The following INPP5D variants were observed in gnomAD, a reference collection of about 807,000 sequenced individuals.
INPP5D encodes phosphatidylinositol 3,4,5-trisphosphate 5-phosphatase 1.
A neutral mutation model predicts 122.9 loss-of-function variants in INPP5D; 33 were observed. That is an observed-to-expected ratio of 0.27 (90% CI 0.20 to 0.36). The LOEUF (loss-of-function observed/expected upper bound fraction) is 0.36. Ranked by LOEUF, INPP5D falls within the 10% of genes least tolerant of loss-of-function variation. The probability of loss-of-function intolerance (pLI) is 1.00; values close to 1 mark genes in which losing one functional copy is unlikely to be tolerated. For synonymous variants in INPP5D, 584 were observed against 576.2 expected (o/e 1.01, Z -0.19); for missense variants, 1,053 against 1,412.7 (o/e 0.75, Z 4.08).
intron 1 of INPP5D, among the ~76,000 whole-genome samples, chr2:233,065,191 C>T (rs1347916149): frequency 2.0e-5 from 3 of 152,210 alleles, no homozygotes; most frequent in African/African-American, 4.8e-5. Context: ...CTACGCTCAG[C>T]CCCCGTGAAA....
At chr2:233,076,164 A>C (rs1691514845) in intron 1 of INPP5D, 1 of 152,238 alleles carries the variant, frequency 6.6e-6, no homozygotes, top group Admixed American at 6.5e-5. Context: ...CCCTCAGCCA[A>C]ATAAGAGGCT....
rs1421704655 is a variant in INPP5D, at chr2:233,127,947, A to G, written c.524+2028A>G. ...TAACAAATAGAACTGCCTGTAATAC[A>G]GACTCACGGTATCAAAGTCACAAGG... On this transcript the variant is annotated intron_variant, in intron 4 of 26. Coordinates refer to ENST00000445964, the MANE Select transcript of INPP5D (RefSeq NM_001017915.3). Among the ~76,000 whole-genome samples, 5 of 152,362 alleles carry G rather than the reference A, an allele frequency of 3.3e-5. No homozygotes were observed. In the East Asian group the frequency reaches 9.6e-4, roughly 29 times the overall value.
At position 233,086,798 on chromosome 2, in the gene INPP5D, A is replaced by T. The variant is rs1352440517; in HGVS notation, c.198+7400A>T. The stretch of plus-strand genomic sequence containing the variant: ...CTATCCCAGGGGAATTTCAAAGCAG[A>T]AAAGTGAAAATTTCAAATTGAATAT... On this transcript the variant is annotated intron_variant, in intron 2 of 26. Transcript: ENST00000445964. Among the ~76,000 whole-genome samples the T allele has an allele frequency of 3.3e-5, 5 of 152,242 alleles. No homozygotes were observed. The East Asian group carries it at 9.6e-4, about 29-fold the overall frequency.
At chr2:233,137,164 C>T (rs1693484743) in intron 5 of INPP5D, among the ~76,000 whole-genome samples, 1 of 152,040 alleles carries the variant, frequency 6.6e-6, no homozygotes, top group Non-Finnish European at 1.5e-5. Flanking sequence ...AATATAAATG[C>T]ATATTGTTTC....
chr2:233,171,187 C>T lies in INPP5D; in HGVS notation c.1989+35C>T, dbSNP rs770933785. 12 of 1,609,388 alleles carry T rather than the reference C, an allele frequency of 7.5e-6. No individual in the cohort carries two copies. In the East Asian group the frequency reaches 2.7e-4, roughly 36 times the overall value. On this transcript the variant is annotated intron_variant, in intron 17 of 26. Coordinates refer to ENST00000445964, the MANE Select transcript of INPP5D (RefSeq NM_001017915.3). The stretch of plus-strand genomic sequence containing the variant: ...CTTCATAGACACCTTCCCTGCCCTC[C>T]ATCTCCTCCCCGCTGGTGTCTGTTC...
intron 2 of INPP5D, among the ~76,000 whole-genome samples, chr2:233,114,121 G>A (rs1692716787): frequency 6.6e-6 from 1 of 152,086 alleles, no homozygotes; most frequent in Non-Finnish European, 1.5e-5. Context: ...TGTTAGCCAG[G>A]ATGGTCTCGA....
chr2:233,186,684 C>CTTTTTTTTTTTTTTTTT (rs144243823), intron 21 of INPP5D, among the ~76,000 whole-genome samples: 8 of 44,530 alleles, frequency 1.8e-4, no homozygotes, highest in Admixed American at 5.9e-4. Flanking sequence ...TTTTCTCTTT[C>CTTTTTTTTTTTTTTTTT]TTTTTTTTTT....
At chr2:233,166,022 C>A (rs1470033159) in intron 13 of INPP5D, among the ~76,000 whole-genome samples, 2 of 152,110 alleles carry the variant, frequency 1.3e-5, no homozygotes, top group African/African-American at 4.8e-5. Context: ...TGCAATCGAA[C>A]GTGCAAAGCT....
intron 1 of INPP5D, among the ~76,000 whole-genome samples, chr2:233,071,316 A>G (rs113802160): frequency 2.0e-5 from 3 of 151,946 alleles, no homozygotes; most frequent in African/African-American, 7.2e-5. Flanking sequence ...AAAAAGATTT[A>G]TGTGTATTTT....
At chr2:233,086,712 C>T (rs1436994825) in intron 2 of INPP5D, among the ~76,000 whole-genome samples, 1 of 152,162 alleles carries the variant, frequency 6.6e-6, no homozygotes, top group African/African-American at 2.4e-5. Context: ...TCTTTTTGCT[C>T]AAGTTAGTTG....
chr2:233,092,169 G>A lies in INPP5D; in HGVS notation c.198+12771G>A, dbSNP rs537059468. On this transcript the variant is annotated intron_variant, in intron 2 of 26. Coordinates refer to ENST00000445964, the MANE Select transcript of INPP5D (RefSeq NM_001017915.3). ...TCTGGGATGAGGCAGGCGGGCGGCC[G>A]GAGTGACTGGGGGCCCGAGCTGCCA... Among the ~76,000 whole-genome samples, 121 of 152,328 alleles carry A rather than the reference G, an allele frequency of 7.9e-4. No individual in the cohort carries two copies. The South Asian group carries it at 0.011, about 14-fold the overall frequency.
rs1693824052 is a variant in INPP5D at position 233,148,354 on chromosome 2, G to T, written c.1030+760G>T. 3.3e-5 allele frequency among the ~76,000 whole-genome samples: 5 copies of T among 152,138 alleles called. No individual in the cohort carries two copies. The South Asian group carries it at 1.0e-3, about 32-fold the overall frequency. On this transcript the variant is annotated intron_variant, in intron 9 of 26. Coordinates refer to ENST00000445964, the MANE Select transcript of INPP5D (RefSeq NM_001017915.3). ...AACAAAACAGGGCAAAGGGGTAGAG[G>T]TTAACTGGCAAGAGGGGATAGTGTA...
At chr2:233,094,510 CCCAAAAAA>C (rs1235587647) in intron 2 of INPP5D, among the ~76,000 whole-genome samples, 19 of 27,786 alleles carry the variant, frequency 6.8e-4, no homozygotes, top group Non-Finnish European at 1.1e-3. Flanking sequence ...AAGACTCCAT[CCCAAAAAA>C]AAAAAAAAAA....
Position 233,160,958 on chromosome 2 carries a change from T to C in INPP5D, c.1138-766T>C, listed in dbSNP as rs1321733742. Among the ~76,000 whole-genome samples the C allele has an allele frequency of 6.6e-6, 1 of 151,988 alleles. No individual in the cohort carries two copies. The highest frequency in any genetic ancestry group is 2.4e-5 in the African/African-American group (1 of 41,372). On this transcript the variant is annotated intron_variant, in intron 10 of 26. Coordinates refer to ENST00000445964, the MANE Select transcript of INPP5D (RefSeq NM_001017915.3). This position sits in a 1 kb window ranked among gnomAD's most constrained non-coding sequence, Gnocchi z 4.2. ...CCCAAATGTTTTATTAAAAATGCAA[T>C]GATGCTATTCATATCATTTGTCAAC...
chr2:233,096,306 A>G (rs1692138518), intron 2 of INPP5D, among the ~76,000 whole-genome samples: 1 of 152,164 alleles, frequency 6.6e-6, no homozygotes, highest in Non-Finnish European at 1.5e-5. Context: ...TCAGCAGACA[A>G]TGAGTGAAAT....
In INPP5D at chr2:233,183,184, C is replaced by T. The variant is rs918967556; in HGVS notation, c.2161+685C>T. ...TTCTCTGTAATGTGCCCATCCAGCCCTTGGCCTAGGTGACCAGGGAGCCAT... is the reference window on the plus strand; with the variant it reads ...TTCTCTGTAATGTGCCCATCCAGCCTTTGGCCTAGGTGACCAGGGAGCCAT... On this transcript the variant is annotated intron_variant, in intron 19 of 26. Coordinates refer to ENST00000445964, the MANE Select transcript of INPP5D (RefSeq NM_001017915.3). The surrounding 1 kb of genome is among the most constrained non-coding windows in gnomAD (Gnocchi z 4.6). Among the ~76,000 whole-genome samples the T allele has an allele frequency of 6.6e-6, 1 of 152,190 alleles. No homozygotes were observed. The highest frequency in any genetic ancestry group is 1.5e-5 in the Non-Finnish European group (1 of 68,026).
chr2:233,194,055 T>G lies in INPP5D; in HGVS notation c.2596+94T>G, dbSNP rs1295233318. On this transcript the variant is annotated intron_variant, in intron 23 of 26. Coordinates refer to ENST00000445964, the MANE Select transcript of INPP5D (RefSeq NM_001017915.3). ...CAGCAAAGCTGTCGAATATGCTCTC[T>G]GCTGCGGCCTCAGAGCAGAAATCCA... The G allele has an allele frequency of 4.2e-6, 6 of 1,437,134 alleles. No homozygotes were observed. The South Asian group carries it at 4.4e-5, about 11-fold the overall frequency. 89.0% of individuals were successfully genotyped at this position (1,437,134 alleles called of 1,614,324 possible).
At position 233,189,964 on chromosome 2, in the gene INPP5D, C is replaced by A; in HGVS notation, c.2446+27C>A. On this transcript the variant is annotated intron_variant, in intron 22 of 26. Coordinates refer to ENST00000445964, the MANE Select transcript of INPP5D (RefSeq NM_001017915.3). This position sits in a 1 kb window ranked among gnomAD's most constrained non-coding sequence, Gnocchi z 5.6. ...TAAGGGTCTGTGGGCAGGTGCCACA[C>A]CTGCCTGTGAACTGGCGGCCTCTGA... 1 of 1,610,142 alleles carries A rather than the reference C, an allele frequency of 6.2e-7. No homozygotes were observed. The highest frequency in any genetic ancestry group is 8.5e-7 in the Non-Finnish European group (1 of 1,178,206).
At chr2:233,131,666 C>T (rs962571413) in intron 5 of INPP5D, among the ~76,000 whole-genome samples, 4 of 152,194 alleles carry the variant, frequency 2.6e-5, no homozygotes, top group Non-Finnish European at 4.4e-5. Flanking sequence ...CGCCACTGCA[C>T]TCCAGCCTGG....
Sources: allele counts gnomAD v4.1 joint callset (sites outside exome capture counted in the v4.1 genomes callset), GRCh38; gene constraint gnomAD v4.1.1; non-coding constraint Gnocchi (gnomAD v3.1); transcripts MANE v1.5; gene names NCBI Gene and HGNC (gene_info 2026-07-23, HGNC 2026-07-21).